CNGB1: variants seen among roughly 807,000 people sequenced by gnomAD.
CNGB1 encodes cyclic nucleotide-gated channel beta-1.
A neutral mutation model predicts 151.7 loss-of-function variants in CNGB1; 126 were observed. The ratio of observed to expected loss-of-function variants is 0.83; its 90% CI spans 0.72 to 0.96. The LOEUF is 0.96. Ranked by LOEUF, CNGB1 falls within the 40% of genes least tolerant of loss-of-function variation. The pLI is 0.00. For synonymous variants in CNGB1, 623 were observed against 635.1 expected, an observed-to-expected ratio of 0.98 and a Z score of 0.29; for missense variants, 1,698 against 1,627.0, an observed-to-expected ratio of 1.04 and a Z score of -0.75.
At chr16:57,932,892 T>G (rs1431897979) in intron 16 of CNGB1, among the ~76,000 whole-genome samples, 1 of 150,820 alleles carries the variant, frequency 6.6e-6, no homozygotes, top group East Asian at 2.0e-4. Context: ...AGTCCTCACA[T>G]TCTTTTTAAA....
At chr16:57,969,567 A>G (rs1323181383) in intron 1 of CNGB1, among the ~76,000 whole-genome samples, 1 of 152,214 alleles carries the variant, frequency 6.6e-6, no homozygotes, top group Non-Finnish European at 1.5e-5. Flanking sequence ...GCACTCAGCC[A>G]TTGCACTCCA....
intron 18 of CNGB1, among the ~76,000 whole-genome samples, chr16:57,921,262 G>T (rs995639495): frequency 8.0e-6 from 1 of 125,206 alleles, no homozygotes; most frequent in Admixed American, 1.0e-4. Context: ...CACTCTTGTC[G>T]CCCAGCTGGA....
In CNGB1 at chr16:57,897,420, C is replaced by G. The variant is rs1555488002; in HGVS notation, c.3219G>C (p.Gln1073His). The change falls in exon 31 of 33, where the codon CAG becomes CAC. Residue 1073 changes from glutamine (Q) to histidine (H), a missense_variant. Physicochemically the swap from Gln to His is conservative, Grantham distance 24. Coordinates refer to ENST00000251102, the MANE Select transcript of CNGB1 (RefSeq NM_001297.5). ...NEILVHYPES[Q>H]KLLRKKARRM... ...ACCTGGCTTTCTTCCGGAGTAACTT[C>G]TGAGACTCAGGATAATGCACCAAAA... is the stretch of plus-strand genomic sequence containing the variant. The G allele has an allele frequency of 6.2e-7, 1 of 1,614,128 alleles. No individual in the cohort carries two copies. Among genetic ancestry groups the G allele is most frequent in the Admixed American group, 1.7e-5 (1 of 60,008 alleles).
chr16:57,962,469 C>G, intron 7 of CNGB1, 96 bp downstream of exon 7: 1 of 1,107,796 alleles, frequency 9.0e-7, no homozygotes, highest in Non-Finnish European at 1.4e-6. Context: ...CAAGGTCACA[C>G]CCTGAGGTGG....
intron 1 of CNGB1, 198 bp from the exon 2 acceptor site, chr16:57,967,492 G>A: frequency 3.4e-6 from 2 of 586,934 alleles, no homozygotes; most frequent in East Asian, 6.0e-5. Context: ...CCAGGAGTTT[G>A]AGATCAGCCT....
At chr16:57,916,932 G>T (rs1373841688) in intron 21 of CNGB1, among the ~76,000 whole-genome samples, 1 of 152,184 alleles carries the variant, frequency 6.6e-6, no homozygotes, top group Non-Finnish European at 1.5e-5. Context: ...TACAGATGAG[G>T]AAACAGAGGC....
chr16:57,935,136 C>A (rs1485623757), intron 16 of CNGB1, among the ~76,000 whole-genome samples: 1 of 152,022 alleles, frequency 6.6e-6, no homozygotes, highest in African/African-American at 2.4e-5. Flanking sequence ...GAGCCTCTCT[C>A]ACACAGCCTA....
chr16:57,910,413 C>A (rs1436771415), intron 25 of CNGB1, among the ~76,000 whole-genome samples: 1 of 152,122 alleles, frequency 6.6e-6, no homozygotes, highest in Non-Finnish European at 1.5e-5. Context: ...CTTGCTCTAT[C>A]ACCCAGGCTG....
rs558302615 is a variant in CNGB1, at chr16:57,903,917, G to C, written c.2699C>G (p.Thr900Arg). The C allele has an allele frequency of 5.6e-6, 9 of 1,613,988 alleles. No individual in the cohort carries two copies. The highest frequency in any genetic ancestry group is 6.8e-6 in the Non-Finnish European group (8 of 1,179,994). Reference sequence around the variant, plus strand: ...CTTGTAGAAATTCATGTACTTCACCGTGCTGTCCATGCAGCTGCGGTAGTA... The same window carrying C: ...CTTGTAGAAATTCATGTACTTCACCCTGCTGTCCATGCAGCTGCGGTAGTA... ...QTYYRSCMDS[T>R]VKYMNFYKIP... The change falls in exon 27 of 33, where the codon ACG (threonine) becomes AGG (arginine). Residue 900 changes from threonine (T) to arginine (R), a missense_variant. By Grantham distance (71) the Thr-to-Arg change is moderately conservative. Transcript: ENST00000251102.
intron 16 of CNGB1, among the ~76,000 whole-genome samples, chr16:57,932,745 T>C (rs1200073687): frequency 6.6e-6 from 1 of 152,068 alleles, no homozygotes; most frequent in Non-Finnish European, 1.5e-5. Flanking sequence ...CACGCCCGGC[T>C]AATTTTTTGT....
intron 31 of CNGB1, among the ~76,000 whole-genome samples, chr16:57,888,992 C>T (rs1960013289): frequency 6.6e-6 from 1 of 152,142 alleles, no homozygotes; most frequent in Non-Finnish European, 1.5e-5. Context: ...TTACCCCCTT[C>T]CTGGTGTTCA....
intron 31 of CNGB1, among the ~76,000 whole-genome samples, chr16:57,893,662 G>A (rs1280681250): frequency 2.6e-5 from 4 of 152,132 alleles, no homozygotes; most frequent in African/African-American, 4.8e-5. Context: ...GCCGGGTGTG[G>A]TGGCATGTGC....
At chr16:57,925,575 G>T (rs1961160797) in intron 17 of CNGB1, among the ~76,000 whole-genome samples, 1 of 152,214 alleles carries the variant, frequency 6.6e-6, no homozygotes, top group Admixed American at 6.5e-5. Context: ...CAGCCTTGGT[G>T]AACACAGGGC....
At chr16:57,903,517 C>T (rs1567369061) in intron 27 of CNGB1, among the ~76,000 whole-genome samples, 3 of 152,072 alleles carry the variant, frequency 2.0e-5, no homozygotes, top group African/African-American at 7.2e-5. Context: ...TAAACAAACA[C>T]ACAAACAAAC....
At chr16:57,936,373 A>C (rs965365531) in intron 16 of CNGB1, among the ~76,000 whole-genome samples, 2 of 152,174 alleles carry the variant, frequency 1.3e-5, no homozygotes, top group Non-Finnish European at 2.9e-5. Context: ...CTCCGATCCC[A>C]GACTCCCTGT....
chr16:57,915,156 C>G, intron 23 of CNGB1, 93 bp downstream of exon 23: 1 of 1,007,154 alleles, frequency 9.9e-7, no homozygotes. Context: ...AACTCCCCTC[C>G]CCAGTGCTGC....
intron 25 of CNGB1, among the ~76,000 whole-genome samples, chr16:57,908,508 G>A (rs1446710888): frequency 6.6e-6 from 1 of 152,252 alleles, no homozygotes; most frequent in Non-Finnish European, 1.5e-5. Flanking sequence ...CCTCACTATG[G>A]CTGACTGAGC....
chr16:57,950,013 C>G (rs1195692381), intron 13 of CNGB1, among the ~76,000 whole-genome samples: 2 of 152,148 alleles, frequency 1.3e-5, no homozygotes, highest in Non-Finnish European at 2.9e-5. Context: ...TATGGTACAG[C>G]CATATGATGG....
Position 57,931,820 on chromosome 16 carries a change from G to A in CNGB1, c.1431C>T (p.Cys477=), listed in dbSNP as rs1468272829. Residue 477 remains cysteine, a synonymous_variant, in exon 17 of 33, where the codon TGC becomes TGT. Coordinates refer to ENST00000251102, the MANE Select transcript of CNGB1 (RefSeq NM_001297.5). ...VQVEDTDADS[C]PLMAEENPPS... is the part of the protein sequence containing the mutation. Reference sequence around the variant, plus strand: ...GTGGATTCTCTTCTGCCATGAGGGGGCAGCTATCAGCATCAGTATCTTCCA... The same window carrying A: ...GTGGATTCTCTTCTGCCATGAGGGGACAGCTATCAGCATCAGTATCTTCCA... 18 of 1,614,180 alleles carry A rather than the reference G, an allele frequency of 1.1e-5. No individual in the cohort carries two copies. The highest frequency in any genetic ancestry group is 1.6e-4 in the Middle Eastern group (1 of 6,062).
Sources: allele counts gnomAD v4.1 joint callset (sites outside exome capture counted in the v4.1 genomes callset), GRCh38; gene constraint gnomAD v4.1.1; transcripts MANE v1.5; gene names NCBI Gene and HGNC (gene_info 2026-07-23, HGNC 2026-07-21).